The following YTHDF2 variants were observed in gnomAD, a reference collection of about 807,000 sequenced individuals.
YTHDF2 encodes the protein YTH domain-containing family protein 2.
A neutral mutation model predicts 50.4 loss-of-function variants in YTHDF2; 2 were observed. That is an observed-to-expected ratio of 0.04 (90% CI 0.02 to 0.12). The LOEUF is 0.12. Ranked by LOEUF, YTHDF2 falls within the 10% of genes least tolerant of loss-of-function variation. The pLI is 1.00. For missense variants in YTHDF2, 483 were observed against 722.6 expected (o/e 0.67, Z 3.80); for synonymous variants, 217 against 255.6 (o/e 0.85, Z 1.44).
intron 3 of YTHDF2, among the ~76,000 whole-genome samples, chr1:28,741,597 T>C (rs1267241051): frequency 6.6e-6 from 1 of 152,198 alleles, no homozygotes; most frequent in Non-Finnish European, 1.5e-5. Flanking sequence ...CCTGGCCATA[T>C]TTCTCATTTT....
In YTHDF2 at chr1:28,737,106, G is replaced by C; in HGVS notation, c.-15G>C. On this transcript the variant is annotated 5_prime_UTR_variant, in exon 1 of 5. Transcript: ENST00000373812. Reference sequence around the variant, plus strand: ...AGAGTTCGCCGCCGTCGCCGCCCGTGAGGATCTGAGAGCCATGTCGGCCAG... The same window carrying C: ...AGAGTTCGCCGCCGTCGCCGCCCGTCAGGATCTGAGAGCCATGTCGGCCAG... 6.3e-7 allele frequency: 1 copy of C among 1,596,362 alleles called. No homozygotes were observed. The highest frequency in any genetic ancestry group is 8.5e-7 in the Non-Finnish European group (1 of 1,173,530).
intron 4 of YTHDF2, among the ~76,000 whole-genome samples, chr1:28,758,006 T>A (rs927388461): frequency 2.0e-5 from 3 of 152,158 alleles, no homozygotes; most frequent in African/African-American, 7.2e-5. Flanking sequence ...AGACCTGAGA[T>A]TGAATAAGGA....
intron 4 of YTHDF2, among the ~76,000 whole-genome samples, chr1:28,749,986 G>GGTTT (rs762743600): frequency 1.4e-4 from 11 of 78,332 alleles, no homozygotes; most frequent in Non-Finnish European, 1.8e-4. Context: ...AAAAAAGGTT[G>GGTTT]TTTTTTTTTT....
In YTHDF2 at chr1:28,745,881, AAG is replaced by A. The variant is rs1491156922; in HGVS notation, c.1716+1897_1716+1898del. 4.5e-3 allele frequency among the ~76,000 whole-genome samples: 567 copies of A among 125,072 alleles called. 8 individuals carry two copies. The highest frequency in any genetic ancestry group is 0.014 in the African/African-American group (519 of 38,212). 82.1% of individuals were successfully genotyped at this position (125,072 alleles called of 152,430 possible). ...GTAGTGAGACCCCATCTCTCTAAAAAAGAAAAAATTAGCTGGGCATGGTGGCA... is the reference window on the plus strand; with the variant it reads ...GTAGTGAGACCCCATCTCTCTAAAAAAAAAAATTAGCTGGGCATGGTGGCA... On this transcript the variant is annotated intron_variant, in intron 4 of 4. Transcript: ENST00000373812.
chr1:28,761,291 T>G (rs1281755370), intron 4 of YTHDF2, among the ~76,000 whole-genome samples: 1 of 152,092 alleles, frequency 6.6e-6, no homozygotes, highest in East Asian at 1.9e-4. Flanking sequence ...TGTTCGCCAC[T>G]ATGCCTGGCT....
chr1:28,754,981 A>C (rs1482837334), intron 4 of YTHDF2, among the ~76,000 whole-genome samples: 1 of 151,304 alleles, frequency 6.6e-6, no homozygotes, highest in African/African-American at 2.4e-5. Context: ...AAAAAAAAAA[A>C]AAAGGGGTGG....
chr1:28,737,868 A>G (rs919711314), intron 2 of YTHDF2, 186 bp downstream of exon 2: 11 of 668,560 alleles, frequency 1.6e-5, no homozygotes, highest in South Asian at 3.8e-5. Flanking sequence ...TTTCGCTAAC[A>G]AGGAGTAATT....
intron 4 of YTHDF2, among the ~76,000 whole-genome samples, chr1:28,755,537 A>G (rs530361703): frequency 1.3e-5 from 2 of 152,226 alleles, no homozygotes; most frequent in Non-Finnish European, 2.9e-5. Context: ...ATGAGATACG[A>G]AAGTAAAGCT....
At position 28,742,792 on chromosome 1, in the gene YTHDF2, G is replaced by A; in HGVS notation, c.522G>A (p.Glu174=). The change falls in exon 4 of 5, where the codon GAG becomes GAA. Residue 174 remains glutamate, a synonymous_variant. Coordinates refer to ENST00000373812, the MANE Select transcript of YTHDF2 (RefSeq NM_016258.3). ...MIDGQSAFAN[E]TLNKAPGMNT... The stretch of plus-strand genomic sequence containing the variant: ...ATGGACAGTCAGCTTTTGCCAATGA[G>A]ACCCTCAATAAGGCTCCTGGCATGA... 1 of 1,614,148 alleles carries A rather than the reference G, an allele frequency of 6.2e-7. No individual in the cohort carries two copies. The highest frequency in any genetic ancestry group is 8.5e-7 in the Non-Finnish European group (1 of 1,180,034).
chr1:28,738,453 C>T lies in YTHDF2; in HGVS notation c.132+115C>T. ...CATTTTTTTTTCTTTTTTCTGTTTTCTGTTTTTTTGAGACTGAGTCTCGCT... is the reference window on the plus strand; with the variant it reads ...CATTTTTTTTTCTTTTTTCTGTTTTTTGTTTTTTTGAGACTGAGTCTCGCT... On this transcript the variant is annotated intron_variant, in intron 3 of 4. Transcript: ENST00000373812. The T allele has an allele frequency of 3.9e-6, 4 of 1,034,756 alleles. No homozygotes were observed. In the South Asian group the frequency reaches 4.7e-5, roughly 12 times the overall value. The allele number at this position is 1,034,756 out of a possible 1,614,324, so 64.1% of individuals were successfully genotyped here.
rs191487642 is a variant in YTHDF2, at chr1:28,762,443, T to C, written c.1717-6486T>C. ...TCAAAGAATGACTCCCGTCTAAGCA[T>C]TTTATATTGTCAGCTGGGGTGCTGA... is the stretch of plus-strand genomic sequence containing the variant. On this transcript the variant is annotated intron_variant, in intron 4 of 4. Transcript: ENST00000373812. Among the ~76,000 whole-genome samples the C allele has an allele frequency of 4.7e-4, 71 of 152,272 alleles. 1 individual carries two copies. Among genetic ancestry groups the C allele is most frequent in the African/African-American group, 1.6e-3 (66 of 41,546 alleles).
At chr1:28,754,633 C>T (rs2088009082) in intron 4 of YTHDF2, among the ~76,000 whole-genome samples, 1 of 151,854 alleles carries the variant, frequency 6.6e-6, no homozygotes, top group Non-Finnish European at 1.5e-5. Context: ...ACCAGCCTGG[C>T]AACATGGTGA....
rs138256933 is a variant in YTHDF2 at position 28,763,902 on chromosome 1, C to T, written c.1717-5027C>T. Reference sequence around the variant, plus strand: ...TTTTTTCCTATTATATATACTTTAACTCATGCCAGCTCATATCTTTATTAT... The same window carrying T: ...TTTTTTCCTATTATATATACTTTAATTCATGCCAGCTCATATCTTTATTAT... On this transcript the variant is annotated intron_variant, in intron 4 of 4. Coordinates refer to ENST00000373812, the MANE Select transcript of YTHDF2 (RefSeq NM_016258.3). 6.3e-3 allele frequency among the ~76,000 whole-genome samples: 928 copies of T among 147,842 alleles called. 10 individuals carry two copies. The highest frequency in any genetic ancestry group is 0.022 in the African/African-American group (887 of 40,170).
chr1:28,750,749 A>G (rs188902177), intron 4 of YTHDF2, among the ~76,000 whole-genome samples: 21 of 152,142 alleles, frequency 1.4e-4, no homozygotes, highest in Non-Finnish European at 2.6e-4. Context: ...CATTTACTAT[A>G]TATATATATT....
At chr1:28,760,917 T>C (rs961078957) in intron 4 of YTHDF2, among the ~76,000 whole-genome samples, 6 of 152,172 alleles carry the variant, frequency 3.9e-5, no homozygotes, top group African/African-American at 1.4e-4. Context: ...TACATAATTT[T>C]ACGTGCTATA....
chr1:28,764,077 G>A (rs1208210118), intron 4 of YTHDF2, among the ~76,000 whole-genome samples: 1 of 150,852 alleles, frequency 6.6e-6, no homozygotes, highest in East Asian at 1.9e-4. Flanking sequence ...AGCCTTCCTA[G>A]TAGCTGGGAT....
chr1:28,752,245 T>G (rs918873851), intron 4 of YTHDF2, among the ~76,000 whole-genome samples: 1 of 152,228 alleles, frequency 6.6e-6, no homozygotes, highest in African/African-American at 2.4e-5. Flanking sequence ...ATATATAATA[T>G]GCTGTTGCAC....
At chr1:28,753,414 G>A (rs1390013851) in intron 4 of YTHDF2, among the ~76,000 whole-genome samples, 2 of 124,106 alleles carry the variant, frequency 1.6e-5, no homozygotes. Flanking sequence ...CAGGTGTGAT[G>A]AGGCACACCT....
chr1:28,765,678 C>G (rs1266867164), intron 4 of YTHDF2, among the ~76,000 whole-genome samples: 1 of 152,074 alleles, frequency 6.6e-6, no homozygotes, highest in Non-Finnish European at 1.5e-5. Flanking sequence ...GTCTTGAACT[C>G]CTGGCCTCAA....
Sources: gnomAD v4.1 joint callset for allele counts (sites outside exome capture counted in the v4.1 genomes callset) on GRCh38, gnomAD v4.1.1 for gene constraint, MANE v1.5 for transcripts, NCBI Gene and HGNC (gene_info 2026-07-23, HGNC 2026-07-21) for gene names.